The following MSRA variants were observed in gnomAD, a reference collection of about 807,000 sequenced individuals.
MSRA encodes mitochondrial peptide methionine sulfoxide reductase.
MSRA carries 54 observed loss-of-function variants against 31.3 expected under a neutral mutation model. The observed-to-expected ratio is 1.73, with a 90% CI of 1.39 to 2.17. The LOEUF (loss-of-function observed/expected upper bound fraction) is 2.17. Ranked by LOEUF, MSRA falls within the 30% of genes most tolerant of loss-of-function variation. The probability of loss-of-function intolerance (pLI) is 0.00; values close to 1 mark genes in which losing one functional copy is unlikely to be tolerated. For missense variants in MSRA, 507 were observed against 300.9 expected (o/e 1.69, Z -5.07); for synonymous variants, 169 against 116.5 (o/e 1.45, Z -2.90).
At chr8:10,065,595 A>G (rs1046723931) in intron 1 of MSRA, among the ~76,000 whole-genome samples, 1 of 152,192 alleles carries the variant, frequency 6.6e-6, no homozygotes, top group African/African-American at 2.4e-5. Context: ...ATATGAACCA[A>G]AGGATTTCTC....
intron 2 of MSRA, among the ~76,000 whole-genome samples, chr8:10,211,279 T>A (rs1585178870): frequency 6.6e-6 from 1 of 152,190 alleles, no homozygotes; most frequent in Non-Finnish European, 1.5e-5. Flanking sequence ...CCTTAAAAAC[T>A]GTCGCTGGCA....
At chr8:10,243,678 A>C (rs1159490954) in intron 2 of MSRA, among the ~76,000 whole-genome samples, 1 of 152,188 alleles carries the variant, frequency 6.6e-6, no homozygotes, top group African/African-American at 2.4e-5. Flanking sequence ...AATTGTCACC[A>C]CTGTAATACA....
intron 3 of MSRA, among the ~76,000 whole-genome samples, chr8:10,254,034 C>A (rs1288686208): frequency 1.3e-5 from 2 of 152,110 alleles, no homozygotes; most frequent in Non-Finnish European, 2.9e-5. Context: ...TGCCTCCGAT[C>A]TGCCGGGGAC....
At chr8:10,170,304 G>T (rs1009423959) in intron 1 of MSRA, among the ~76,000 whole-genome samples, 1 of 152,114 alleles carries the variant, frequency 6.6e-6, no homozygotes, top group Non-Finnish European at 1.5e-5. Context: ...AAGTCATAAG[G>T]GTGGAGCCCT....
At position 10,229,107 on chromosome 8, in the gene MSRA, A is replaced by G. The variant is rs1189078892; in HGVS notation, c.212-15997A>G. Among the ~76,000 whole-genome samples, 6 of 152,122 alleles carry G rather than the reference A, an allele frequency of 3.9e-5. 1 individual carries two copies. The highest frequency in any genetic ancestry group is 3.9e-4 in the Admixed American group (6 of 15,276). ...TGTTATAAATAATTTAGTTCTACTC[A>G]TTTTTTACATGACAGATTAAGGCTT... is the stretch of plus-strand genomic sequence containing the variant. On this transcript the variant is annotated intron_variant, in intron 2 of 5. Coordinates refer to ENST00000317173, the MANE Select transcript of MSRA (RefSeq NM_012331.5).
At position 10,220,741 on chromosome 8, in the gene MSRA, T is replaced by A. The variant is rs138837420; in HGVS notation, c.211+12840T>A. On this transcript the variant is annotated intron_variant, in intron 2 of 5. Coordinates refer to ENST00000317173, the MANE Select transcript of MSRA (RefSeq NM_012331.5). ...ATATGGATTCAGTGCTTGGTGACAT[T>A]CTTATTACCCTTTCTTTCACCAGCA... is the stretch of plus-strand genomic sequence containing the variant. Among the ~76,000 whole-genome samples, 1,100 of 152,302 alleles carry A rather than the reference T, an allele frequency of 7.2e-3. 42 individuals carry two copies. Among genetic ancestry groups the A allele is most frequent in the Admixed American group, 0.064 (983 of 15,296 alleles).
At chr8:10,141,920 G>A (rs1802746163) in intron 1 of MSRA, among the ~76,000 whole-genome samples, 1 of 152,168 alleles carries the variant, frequency 6.6e-6, no homozygotes, top group Admixed American at 6.5e-5. Context: ...AGATTTAGCA[G>A]TTGTTTAACC....
chr8:10,216,462 A>G (rs746092392), intron 2 of MSRA, among the ~76,000 whole-genome samples: 1 of 152,182 alleles, frequency 6.6e-6, no homozygotes. Flanking sequence ...TTTTAAGCGT[A>G]TGGTCCAGTG....
At chr8:10,149,373 C>A (rs1263151621) in intron 1 of MSRA, among the ~76,000 whole-genome samples, 1 of 152,198 alleles carries the variant, frequency 6.6e-6, no homozygotes, top group Non-Finnish European at 1.5e-5. Context: ...ATCCGCCCGC[C>A]TCGGCCTCCC....
intron 5 of MSRA, among the ~76,000 whole-genome samples, chr8:10,336,341 A>G (rs1182387299): frequency 2.0e-5 from 3 of 152,142 alleles, no homozygotes; most frequent in African/African-American, 7.2e-5. Flanking sequence ...CTAATATATT[A>G]TTTTTATACA....
intron 1 of MSRA, among the ~76,000 whole-genome samples, chr8:10,079,616 C>G (rs555389721): frequency 1.3e-5 from 2 of 152,186 alleles, no homozygotes; most frequent in African/African-American, 2.4e-5. Context: ...GGATCTCTTT[C>G]CTTCCCCGCA....
intron 1 of MSRA, among the ~76,000 whole-genome samples, chr8:10,105,435 T>C (rs576735546): frequency 4.5e-4 from 68 of 152,370 alleles, no homozygotes; most frequent in Admixed American, 1.4e-3. Flanking sequence ...TGTAAACTTT[T>C]GGTCAACTTG....
At chr8:10,071,990 C>T (rs933500126) in intron 1 of MSRA, among the ~76,000 whole-genome samples, 1 of 152,098 alleles carries the variant, frequency 6.6e-6, no homozygotes, top group Non-Finnish European at 1.5e-5. Flanking sequence ...TCGTGGCTGC[C>T]CGTACGGGGT....
chr8:10,212,904 T>C (rs777948181), intron 2 of MSRA, among the ~76,000 whole-genome samples: 1 of 152,186 alleles, frequency 6.6e-6, no homozygotes, highest in Non-Finnish European at 1.5e-5. Flanking sequence ...AATTTAAAAG[T>C]TTTGTGGGTA....
chr8:10,174,260 G>A (rs1371724410), intron 1 of MSRA, among the ~76,000 whole-genome samples: 2 of 152,092 alleles, frequency 1.3e-5, no homozygotes, highest in Non-Finnish European at 2.9e-5. Context: ...TAAAGAGAGA[G>A]AAGATATGAA....
intron 1 of MSRA, among the ~76,000 whole-genome samples, chr8:10,090,312 G>C (rs1215543598): frequency 6.6e-6 from 1 of 152,196 alleles, no homozygotes; most frequent in Non-Finnish European, 1.5e-5. Flanking sequence ...TGTTTGGATG[G>C]AATCAGGAAT....
chr8:10,244,428 G>T (rs1563262139), intron 2 of MSRA, among the ~76,000 whole-genome samples: 2 of 152,150 alleles, frequency 1.3e-5, no homozygotes, highest in Admixed American at 1.3e-4. Flanking sequence ...CACAATGTTT[G>T]CTAGTTGAAT....
intron 1 of MSRA, among the ~76,000 whole-genome samples, chr8:10,199,931 G>A (rs910433312): frequency 2.4e-4 from 37 of 152,276 alleles, no homozygotes; most frequent in African/African-American, 8.9e-4. Flanking sequence ...GTGAACATGA[G>A]CCAAAGGACC....
At chr8:10,180,042 G>A (rs1400057675) in intron 1 of MSRA, among the ~76,000 whole-genome samples, 3 of 152,054 alleles carry the variant, frequency 2.0e-5, no homozygotes, top group Admixed American at 6.6e-5. Flanking sequence ...TGGCATTAAC[G>A]ACCTGGAATT....
Sources: allele counts gnomAD v4.1 joint callset (sites outside exome capture counted in the v4.1 genomes callset), GRCh38; gene constraint gnomAD v4.1.1; transcripts MANE v1.5; gene names NCBI Gene and HGNC (gene_info 2026-07-23, HGNC 2026-07-21).